The following MAPK6 variants were observed in gnomAD, a reference collection of about 807,000 sequenced individuals.
MAPK6 encodes the protein mitogen-activated protein kinase 6.
MAPK6 carries 19 observed loss-of-function variants against 59.3 expected under a neutral mutation model. That is an observed-to-expected ratio of 0.32 (90% CI 0.22 to 0.47). The LOEUF (loss-of-function observed/expected upper bound fraction) is 0.47, where lower values mean the gene tolerates loss of function less well. MAPK6 is among the 20% of genes least tolerant of loss of function. MAPK6 has a pLI of 1.00. For synonymous variants in MAPK6, 316 were observed against 290.3 expected (o/e 1.09, Z -0.90); for missense variants, 724 against 847.9 (o/e 0.85, Z 1.81).
At chr15:52,061,922 A>G (rs1172727796) in intron 5 of MAPK6, among the ~76,000 whole-genome samples, 1 of 152,184 alleles carries the variant, frequency 6.6e-6, no homozygotes, top group African/African-American at 2.4e-5. Flanking sequence ...GCATATTTAT[A>G]AAGTCCTTTA....
chr15:52,057,394 T>G (rs2032024537), intron 3 of MAPK6: 1 of 152,238 alleles, frequency 6.6e-6, no homozygotes, highest in Admixed American at 6.5e-5. Context: ...CTACTCTCCT[T>G]TTGCTACACT....
At chr15:52,030,327 T>C (rs946103134) in intron 1 of MAPK6, among the ~76,000 whole-genome samples, 3 of 152,242 alleles carry the variant, frequency 2.0e-5, no homozygotes, top group African/African-American at 7.2e-5. Flanking sequence ...GTCTGTCTTA[T>C]TCTCTACTAT....
intron 1 of MAPK6, chr15:52,024,705 A>T (rs1199303359): frequency 1.3e-5 from 2 of 152,140 alleles, no homozygotes; most frequent in Non-Finnish European, 2.9e-5. Flanking sequence ...GGTATGAGCC[A>T]CCGCGCCCGG....
At chr15:51,979,651 G>T (rs1202035159) in intron 1 of MAPK6, among the ~76,000 whole-genome samples, 1 of 151,706 alleles carries the variant, frequency 6.6e-6, no homozygotes, top group East Asian at 1.9e-4. Flanking sequence ...AAATTAACTG[G>T]ATGTGGTGAC....
chr15:52,060,100 C>T (rs1005386260), intron 4 of MAPK6, among the ~76,000 whole-genome samples: 3 of 152,106 alleles, frequency 2.0e-5, no homozygotes, highest in African/African-American at 7.2e-5. Flanking sequence ...TGGTTCAGCA[C>T]CATTGTAGCA....
At chr15:52,004,251 C>G (rs2057250960) in intron 2 of MAPK6, 1 of 152,194 alleles carries the variant, frequency 6.6e-6, no homozygotes, top group South Asian at 2.1e-4. Flanking sequence ...TACGTCTTTC[C>G]TCCTTTTCCC....
intron 5 of MAPK6, among the ~76,000 whole-genome samples, chr15:52,062,742 G>C (rs956969680): frequency 6.6e-6 from 1 of 152,158 alleles, no homozygotes; most frequent in Non-Finnish European, 1.5e-5. Context: ...TCCAGCCTGG[G>C]CGACAGAGCA....
intron 2 of MAPK6, among the ~76,000 whole-genome samples, chr15:51,990,474 T>A (rs1293609769): frequency 6.6e-6 from 1 of 152,228 alleles, no homozygotes; most frequent in Non-Finnish European, 1.5e-5. Flanking sequence ...ATGTCAATAT[T>A]TCATAACTTT....
At position 52,030,611 on chromosome 15, in the gene MAPK6, CTTTTTTTTTTTTT is replaced by C. The variant is rs11295636; in HGVS notation, c.-632+11253_-632+11265del. ...TGTGTTTTAGTTATGCAGAAGAAGG[CTTTTTTTTTTTTT>C]TTTTTTTTTTTTTTTTTGAGGCAGA... On this transcript the variant is annotated intron_variant, in intron 1 of 5. Transcript: ENST00000261845. Among the ~76,000 whole-genome samples, 203 of 35,764 alleles carry C rather than the reference CTTTTTTTTTTTTT, an allele frequency of 5.7e-3. 6 individuals carry two copies. In the Admixed American group the frequency reaches 0.06, roughly 11 times the overall value. 23.5% of individuals were successfully genotyped at this position (35,764 alleles called of 152,430 possible).
intron 2 of MAPK6, among the ~76,000 whole-genome samples, chr15:51,985,674 C>A (rs867360136): frequency 2.0e-5 from 3 of 151,146 alleles, no homozygotes; most frequent in Middle Eastern, 3.4e-3. Context: ...AAACAAAAAA[C>A]CCGGCCAGGC....
intron 2 of MAPK6, among the ~76,000 whole-genome samples, chr15:51,998,504 C>CTTTTT (rs368179816): frequency 7.8e-6 from 1 of 128,530 alleles, no homozygotes; most frequent in African/African-American, 3.0e-5. Context: ...CGCACCTGGC[C>CTTTTT]TTTTTTTTTT....
At chr15:52,044,970 C>CAA (rs200722013) in intron 1 of MAPK6, among the ~76,000 whole-genome samples, 1 of 140,010 alleles carries the variant, frequency 7.1e-6, no homozygotes, top group African/African-American at 2.7e-5. Flanking sequence ...ATGTACTTAC[C>CAA]AAAAAAAACT....
chr15:52,042,192 T>C (rs1157496487), intron 1 of MAPK6, among the ~76,000 whole-genome samples: 4 of 152,182 alleles, frequency 2.6e-5, no homozygotes, highest in African/African-American at 9.7e-5. Flanking sequence ...TAGTGAAGGA[T>C]CTTGAAGACT....
rs557274888 is a variant in MAPK6, at chr15:52,066,679, G to T, written c.*1679G>T. 2.0e-5 allele frequency: 3 copies of T among 151,224 alleles called. No homozygotes were observed. The highest frequency in any genetic ancestry group is 2.0e-4 in the Admixed American group (3 of 15,152). 9.4% of individuals were successfully genotyped at this position (151,224 alleles called of 1,614,324 possible). ...CTCACTTTTCTTTCATCCTTGTTTT[G>T]TACAACACCAATTCTATTAATATCT... On this transcript the variant is annotated 3_prime_UTR_variant, in exon 6 of 6. Transcript: ENST00000261845.
intron 3 of MAPK6, among the ~76,000 whole-genome samples, chr15:52,009,601 G>T (rs963264381): frequency 6.6e-6 from 1 of 151,912 alleles, no homozygotes; most frequent in Non-Finnish European, 1.5e-5. Flanking sequence ...AAAATTAGAG[G>T]GGCTCTTTGG....
intron 5 of MAPK6, among the ~76,000 whole-genome samples, chr15:52,062,055 A>G (rs950513507): frequency 2.0e-5 from 3 of 151,126 alleles, no homozygotes; most frequent in African/African-American, 7.3e-5. Context: ...TTTGATTCAT[A>G]TTAGATGCAG....
In MAPK6 at chr15:51,998,298, G is replaced by A. The variant is rs192049967; in HGVS notation, c.-769-5967G>A. On this transcript the variant is annotated intron_variant, in intron 2 of 7. Coordinates refer to the MAPK6 transcript ENST00000691380. ...CGGCTCACTGCAACCCCCACCTCCC[G>A]AGTTCAAGTGATTTTTGTGCCTCAG... 1.0e-3 allele frequency among the ~76,000 whole-genome samples: 152 copies of A among 151,928 alleles called. 1 individual carries two copies. Among genetic ancestry groups the A allele is most frequent in the Middle Eastern group, 3.4e-3 (1 of 294 alleles).
At chr15:52,059,940 A>T (rs930570718) in intron 4 of MAPK6, among the ~76,000 whole-genome samples, 2 of 152,240 alleles carry the variant, frequency 1.3e-5, no homozygotes, top group East Asian at 3.8e-4. Flanking sequence ...TTCTCACCCC[A>T]CATTCTTTAT....
chr15:52,028,280 C>T (rs1379570729), intron 1 of MAPK6, among the ~76,000 whole-genome samples: 2 of 151,976 alleles, frequency 1.3e-5, no homozygotes, highest in South Asian at 4.1e-4. Context: ...GAGACGGATT[C>T]GTCTCTGTGT....
Sources: allele counts gnomAD v4.1 joint callset (sites outside exome capture counted in the v4.1 genomes callset), GRCh38; gene constraint gnomAD v4.1.1; transcripts MANE v1.5; gene names NCBI Gene and HGNC (gene_info 2026-07-23, HGNC 2026-07-21).